PTPRM: variants seen among roughly 807,000 people sequenced by gnomAD.
PTPRM encodes the protein protein tyrosine phosphatase receptor type M.
Under a neutral mutation model 186.7 loss-of-function variants are expected in PTPRM, and 47 were observed. The observed-to-expected ratio is 0.25, with a 90% CI of 0.20 to 0.32. PTPRM has a LOEUF of 0.32. Ranked by LOEUF, PTPRM falls within the 10% of genes least tolerant of loss-of-function variation. The pLI, the probability that PTPRM is intolerant of heterozygous loss-of-function variation, is 1.00. For missense variants in PTPRM, 1,494 were observed against 1,865.0 expected (o/e 0.80, Z 3.66); for synonymous variants, 668 against 674.9 (o/e 0.99, Z 0.16).
intron 7 of PTPRM, among the ~76,000 whole-genome samples, chr18:8,026,303 T>C (rs1185820847): frequency 6.6e-6 from 1 of 152,126 alleles, no homozygotes; most frequent in Non-Finnish European, 1.5e-5. Context: ...TCTTTTCCAT[T>C]TGCATAGACA....
intron 19 of PTPRM, among the ~76,000 whole-genome samples, chr18:8,266,363 CAA>C (rs10678321): frequency 3.1e-5 from 4 of 130,880 alleles, no homozygotes; most frequent in Admixed American, 7.8e-5. Context: ...TGCTACCACT[CAA>C]AAAAAAAAAA....
intron 17 of PTPRM, 187 bp downstream of exon 17, chr18:8,248,363 A>G (rs2094497267): frequency 1.4e-6 from 1 of 695,766 alleles, no homozygotes; most frequent in Non-Finnish European, 2.6e-6. Context: ...GTCGCCATTA[A>G]TAAGAGGGGT....
intron 1 of PTPRM, among the ~76,000 whole-genome samples, chr18:7,616,565 T>C (rs1377186219): frequency 6.6e-6 from 1 of 152,154 alleles, no homozygotes; most frequent in Non-Finnish European, 1.5e-5. Flanking sequence ...TGAGTGTTGC[T>C]GGTTCTCAGA....
chr18:8,288,339 G>C (rs746919191), intron 19 of PTPRM, among the ~76,000 whole-genome samples: 1 of 152,210 alleles, frequency 6.6e-6, no homozygotes, highest in Non-Finnish European at 1.5e-5. Context: ...ACCCAGCCTC[G>C]AGAAGACATT....
rs187339800 is a variant in PTPRM at position 7,997,920 on chromosome 18, A to G, written c.1132+42506A>G. Among the ~76,000 whole-genome samples, 4 of 152,306 alleles carry G rather than the reference A, an allele frequency of 2.6e-5. No individual in the cohort carries two copies. The East Asian group carries it at 5.8e-4, about 22-fold the overall frequency. On this transcript the variant is annotated intron_variant, in intron 7 of 32. Transcript: ENST00000580170. ...CAGAGAAAGGAGAACTCTCATGTCAATGTTGGTGGGAATGTAAATTAGTGT... is the reference window on the plus strand; with the variant it reads ...CAGAGAAAGGAGAACTCTCATGTCAGTGTTGGTGGGAATGTAAATTAGTGT...
chr18:7,894,783 C>G (rs1002492137), intron 3 of PTPRM, among the ~76,000 whole-genome samples: 3 of 151,942 alleles, frequency 2.0e-5, no homozygotes, highest in Non-Finnish European at 4.4e-5. Context: ...GGAGGTGACA[C>G]CTTTGAGAAG....
intron 1 of PTPRM, among the ~76,000 whole-genome samples, chr18:7,688,376 A>G (rs1031934704): frequency 1.3e-5 from 2 of 152,206 alleles, no homozygotes; most frequent in Non-Finnish European, 2.9e-5. Context: ...AGGAAAGAGA[A>G]TAATGGAGAA....
chr18:8,286,333 G>C (rs1240503640), intron 19 of PTPRM, among the ~76,000 whole-genome samples: 1 of 152,186 alleles, frequency 6.6e-6, no homozygotes, highest in Admixed American at 6.5e-5. Flanking sequence ...TGATCTCTCT[G>C]TTTTGAGAGG....
intron 10 of PTPRM, among the ~76,000 whole-genome samples, chr18:8,087,841 G>A (rs186735031): frequency 5.3e-5 from 8 of 152,210 alleles, no homozygotes; most frequent in Admixed American, 3.9e-4. Context: ...TTTCTCATCA[G>A]GAGTCTCTAC....
intron 7 of PTPRM, among the ~76,000 whole-genome samples, chr18:8,019,198 G>A (rs1319532155): frequency 6.6e-6 from 1 of 152,160 alleles, no homozygotes; most frequent in Admixed American, 6.5e-5. Flanking sequence ...AAGGAGGAAG[G>A]GGTGGCTTTG....
At chr18:7,693,067 A>T (rs2039768388) in intron 1 of PTPRM, among the ~76,000 whole-genome samples, 1 of 152,228 alleles carries the variant, frequency 6.6e-6, no homozygotes, top group African/African-American at 2.4e-5. Flanking sequence ...GCACTAATGT[A>T]AACACTGTAA....
intron 1 of PTPRM, among the ~76,000 whole-genome samples, chr18:7,738,577 A>G (rs1256632810): frequency 6.7e-6 from 1 of 149,970 alleles, no homozygotes; most frequent in Non-Finnish European, 1.5e-5. Flanking sequence ...CTGGGACTAT[A>G]GGCGCCCGCC....
At chr18:7,898,804 A>G (rs1038545991) in intron 3 of PTPRM, among the ~76,000 whole-genome samples, 2 of 152,234 alleles carry the variant, frequency 1.3e-5, no homozygotes, top group Non-Finnish European at 2.9e-5. Context: ...GAACCACATC[A>G]CATGAATAGA....
In PTPRM at chr18:8,185,083, A is replaced by G. The variant is rs1237249025; in HGVS notation, c.2300+41304A>G. 6.6e-5 allele frequency among the ~76,000 whole-genome samples: 10 copies of G among 152,206 alleles called. No individual in the cohort carries two copies. The East Asian group carries it at 1.3e-3, about 20-fold the overall frequency. On this transcript the variant is annotated intron_variant, in intron 14 of 32. Transcript: ENST00000580170. Reference sequence around the variant, plus strand: ...TATTAACAGCAAATGTACTTTGCCAATGAGTAGACAATGGTATATTTTACA... The same window carrying G: ...TATTAACAGCAAATGTACTTTGCCAGTGAGTAGACAATGGTATATTTTACA...
At chr18:7,790,114 T>C (rs1223108828) in intron 2 of PTPRM, among the ~76,000 whole-genome samples, 2 of 152,322 alleles carry the variant, frequency 1.3e-5, no homozygotes, top group African/African-American at 2.4e-5. Context: ...CTAGTTAAGA[T>C]GCAGTGTCAG....
At chr18:7,815,994 G>A (rs1237833281) in intron 2 of PTPRM, among the ~76,000 whole-genome samples, 2 of 152,194 alleles carry the variant, frequency 1.3e-5, no homozygotes, top group African/African-American at 4.8e-5. Context: ...TTTAACAGGT[G>A]TGATAAGACA....
intron 14 of PTPRM, among the ~76,000 whole-genome samples, chr18:8,191,873 TCTGA>T (rs1420361913): frequency 2.6e-5 from 4 of 152,148 alleles, no homozygotes; most frequent in African/African-American, 9.7e-5. Flanking sequence ...AGCAGATGAA[TCTGA>T]CTATGTAGCA....
intron 23 of PTPRM, among the ~76,000 whole-genome samples, chr18:8,352,653 G>T (rs55651656): frequency 0.54 from 64,845 of 119,820 alleles, 15,939 homozygotes; most frequent in Non-Finnish European, 0.62. Flanking sequence ...TTTTGGTTTG[G>T]TTTTTTTTGT....
intron 14 of PTPRM, among the ~76,000 whole-genome samples, chr18:8,161,032 C>G (rs1471097258): frequency 6.6e-6 from 1 of 152,156 alleles, no homozygotes; most frequent in Non-Finnish European, 1.5e-5. Context: ...AAATTGGCCA[C>G]TCTCTAAAGA....
Sources: gnomAD v4.1 joint callset for allele counts (sites outside exome capture counted in the v4.1 genomes callset) on GRCh38, gnomAD v4.1.1 for gene constraint, MANE v1.5 for transcripts, NCBI Gene and HGNC (gene_info 2026-07-23, HGNC 2026-07-21) for gene names.